Variants in THSD7A observed in about 807,000 individuals in gnomAD.
The protein encoded by THSD7A is thrombospondin type-1 domain-containing protein 7A.
Under a neutral mutation model 231.3 loss-of-function variants are expected in THSD7A, and 96 were observed. The observed-to-expected ratio is 0.41, with a 90% confidence interval of 0.35 to 0.49. THSD7A has a LOEUF of 0.49. THSD7A is among the 20% of genes least tolerant of loss of function. The pLI, the probability that THSD7A is intolerant of heterozygous loss-of-function variation, is 0.05. For synonymous variants in THSD7A, 940 were observed against 743.3 expected (o/e 1.26, Z -4.30); for missense variants, 2,290 against 2,070.2 (o/e 1.11, Z -2.06).
intron 13 of THSD7A, among the ~76,000 whole-genome samples, chr7:11,435,448 T>C (rs879911337): frequency 1.3e-5 from 2 of 152,106 alleles, no homozygotes; most frequent in Non-Finnish European, 2.9e-5. Context: ...TTGAGCTACA[T>C]GTTATCTGAC....
intron 1 of THSD7A, among the ~76,000 whole-genome samples, chr7:11,690,148 A>G (rs977229329): frequency 1.3e-5 from 2 of 151,818 alleles, no homozygotes; most frequent in Admixed American, 6.6e-5. Flanking sequence ...AGACTACTAT[A>G]TATCTTTCTA....
At chr7:11,704,101 A>G (rs952948562) in intron 1 of THSD7A, among the ~76,000 whole-genome samples, 2 of 151,136 alleles carry the variant, frequency 1.3e-5, no homozygotes, top group African/African-American at 4.8e-5. Flanking sequence ...CAAAGCATCG[A>G]AAGTTCTCAT....
chr7:11,749,795 G>A (rs1479533267), intron 1 of THSD7A, among the ~76,000 whole-genome samples: 1 of 151,972 alleles, frequency 6.6e-6, no homozygotes, highest in African/African-American at 2.4e-5. Context: ...ATGAATGCCT[G>A]TGGTTGATCT....
rs1414457881 is a variant in THSD7A, at chr7:11,417,565, A to G, written c.3422T>C (p.Val1141Ala). The G allele has an allele frequency of 3.7e-6, 6 of 1,612,994 alleles. No homozygotes were observed. Among genetic ancestry groups the G allele is most frequent in the South Asian group, 2.2e-5 (2 of 90,896 alleles). The change falls in exon 17 of 28, where the codon GTA becomes GCA. Residue 1141 changes from valine (V) to alanine (A), a missense_variant. Val to Ala is a moderately conservative substitution (Grantham distance 64). Coordinates refer to ENST00000423059, the MANE Select transcript of THSD7A (RefSeq NM_015204.3). ...QNTADGPSEHVEDYLCDPEEM... is the reference protein window; with the variant it reads ...QNTADGPSEHAEDYLCDPEEM... ...TTCTGGGTCACAGAGGTAATCCTCT[A>G]CATGTTCAGAAGGGCCATCTGCTGT...
chr7:11,460,438 A>G (rs1044834180), intron 11 of THSD7A, among the ~76,000 whole-genome samples: 2 of 152,216 alleles, frequency 1.3e-5, no homozygotes, highest in African/African-American at 4.8e-5. Flanking sequence ...TCTTTCAGAC[A>G]TAAATGAGAG....
chr7:11,470,792 T>C (rs1303787562), intron 8 of THSD7A, among the ~76,000 whole-genome samples: 3 of 151,848 alleles, frequency 2.0e-5, no homozygotes, highest in Non-Finnish European at 4.4e-5. Context: ...TAAAATTAAC[T>C]ACTATTTTCA....
chr7:11,757,851 T>A (rs1376638662), intron 1 of THSD7A, among the ~76,000 whole-genome samples: 1 of 151,608 alleles, frequency 6.6e-6, no homozygotes, highest in Non-Finnish European at 1.5e-5. Flanking sequence ...CAAGTGTTAA[T>A]TACTAATGTT....
At chr7:11,438,962 A>G (rs984448561) in intron 13 of THSD7A, among the ~76,000 whole-genome samples, 2 of 152,016 alleles carry the variant, frequency 1.3e-5, no homozygotes, top group Non-Finnish European at 2.9e-5. Context: ...TGATATATTC[A>G]TTTATGTTCT....
chr7:11,711,522 T>G (rs10229752), intron 1 of THSD7A, among the ~76,000 whole-genome samples: 7,050 of 151,190 alleles, frequency 0.047, 562 homozygotes, highest in African/African-American at 0.16. Context: ...TTTTATGTAT[T>G]TAACATCCTC....
At chr7:11,687,353 A>G (rs28497811) in intron 1 of THSD7A, among the ~76,000 whole-genome samples, 16,011 of 151,986 alleles carry the variant, frequency 0.11, 855 homozygotes, top group African/African-American at 0.13. Flanking sequence ...TGACTGTCCT[A>G]TGATAGAGAT....
At chr7:11,603,081 T>C (rs1359873666) in intron 2 of THSD7A, among the ~76,000 whole-genome samples, 2 of 149,504 alleles carry the variant, frequency 1.3e-5, no homozygotes, top group Non-Finnish European at 3.0e-5. Context: ...ACCATCAGAG[T>C]GAACAGGCAA....
intron 8 of THSD7A, among the ~76,000 whole-genome samples, chr7:11,472,167 G>T (rs1785963903): frequency 6.6e-6 from 1 of 152,110 alleles, no homozygotes; most frequent in African/African-American, 2.4e-5. Flanking sequence ...CCTTTGGCAA[G>T]GCAATTGGTT....
intron 1 of THSD7A, among the ~76,000 whole-genome samples, chr7:11,807,007 T>C (rs1263664223): frequency 6.6e-6 from 1 of 152,114 alleles, no homozygotes; most frequent in East Asian, 1.9e-4. Context: ...TATATATATA[T>C]ATATCTCTTT....
In THSD7A at chr7:11,541,510, T is replaced by C. The variant is rs377558378; in HGVS notation, c.1731A>G (p.Lys577=). Reference sequence around the variant, plus strand: ...GCTCGCAGTTTCCCAGTCTCACTGCTTTCCAGTCATAACAGGCAGGCTCTT... The same window carrying C: ...GCTCGCAGTTTCCCAGTCTCACTGCCTTCCAGTCATAACAGGCAGGCTCTT... ...PCEEPACYDW[K]AVRLGNCEPD... is the part of the protein sequence containing the mutation. The change falls in exon 6 of 28, where the codon AAA becomes AAG. Residue 577 remains lysine (K), a synonymous_variant. Transcript: ENST00000423059. The C allele has an allele frequency of 1.1e-5, 17 of 1,613,844 alleles. No individual in the cohort carries two copies. In the African/African-American group the frequency reaches 2.0e-4, roughly 19 times the overall value.
intron 1 of THSD7A, among the ~76,000 whole-genome samples, chr7:11,759,966 G>A (rs932858323): frequency 9.2e-5 from 14 of 151,918 alleles, no homozygotes; most frequent in African/African-American, 2.2e-4. Flanking sequence ...ACTGTATAAG[G>A]AATTGATAAG....
At chr7:11,395,239 T>C (rs754650791) in intron 23 of THSD7A, among the ~76,000 whole-genome samples, 1 of 151,306 alleles carries the variant, frequency 6.6e-6, no homozygotes, top group Non-Finnish European at 1.5e-5. Context: ...GCATTACATA[T>C]GGTAAAGGGA....
At chr7:11,776,649 C>A (rs1297847262) in intron 1 of THSD7A, among the ~76,000 whole-genome samples, 1 of 151,914 alleles carries the variant, frequency 6.6e-6, no homozygotes, top group Non-Finnish European at 1.5e-5. Context: ...ATTCTTTATA[C>A]CAGAATTATG....
intron 1 of THSD7A, among the ~76,000 whole-genome samples, chr7:11,703,295 T>C (rs1193876871): frequency 1.3e-5 from 2 of 151,214 alleles, no homozygotes; most frequent in African/African-American, 4.8e-5. Context: ...CTGCAAAGTA[T>C]CAAAAATGGC....
chr7:11,769,153 ATTTT>A (rs1227041855), intron 1 of THSD7A, among the ~76,000 whole-genome samples: 7 of 27,646 alleles, frequency 2.5e-4, no homozygotes, highest in Admixed American at 1.2e-3. Flanking sequence ...ATATATATAT[ATTTT>A]TTTTTTTTTT....
Sources: gnomAD v4.1 joint callset for allele counts (sites outside exome capture counted in the v4.1 genomes callset) on GRCh38, gnomAD v4.1.1 for gene constraint, MANE v1.5 for transcripts, NCBI Gene and HGNC (gene_info 2026-07-23, HGNC 2026-07-21) for gene names.